Variants in MARCHF1 observed in about 807,000 individuals in gnomAD.
MARCHF1 encodes the protein E3 ubiquitin-protein ligase MARCHF1.
In MARCHF1, 40 loss-of-function variants were observed where a neutral mutation model predicts 54.2. The observed-to-expected ratio is 0.74, with a 90% confidence interval of 0.57 to 0.96. MARCHF1 has a LOEUF of 0.96. Among genes scored for constraint, MARCHF1 ranks in the 40% least tolerant of loss-of-function variants. The probability of loss-of-function intolerance (pLI) is 0.00; values close to 1 mark genes in which losing one functional copy is unlikely to be tolerated. For missense variants in MARCHF1, 586 were observed against 656.5 expected (o/e 0.89, Z 1.17); for synonymous variants, 236 against 236.3 (o/e 1.00, Z 0.01).
chr4:164,373,717 A>T (rs1731105313), intron 1 of MARCHF1, among the ~76,000 whole-genome samples: 1 of 152,184 alleles, frequency 6.6e-6, no homozygotes, highest in African/African-American at 2.4e-5. Flanking sequence ...TCTGGCATCC[A>T]GAAAGATCCA....
At chr4:164,330,263 A>C (rs377098889) in intron 1 of MARCHF1, 1 of 152,038 alleles carries the variant, frequency 6.6e-6, no homozygotes, top group East Asian at 1.9e-4. Flanking sequence ...GTGTCTGCTC[A>C]GAGCCTACAC....
chr4:163,888,077 C>A (rs765298955), intron 3 of MARCHF1, among the ~76,000 whole-genome samples: 7 of 152,136 alleles, frequency 4.6e-5, no homozygotes, highest in African/African-American at 1.7e-4. Context: ...AGGATGTCTG[C>A]GCTTTAAAAC....
intron 1 of MARCHF1, among the ~76,000 whole-genome samples, chr4:164,225,872 TA>T (rs1355275612): frequency 2.6e-5 from 4 of 152,088 alleles, no homozygotes; most frequent in Non-Finnish European, 4.4e-5. Flanking sequence ...ATGCATTTCA[TA>T]AATGTAAATC....
chr4:163,933,624 T>G (rs1444976534), intron 3 of MARCHF1, among the ~76,000 whole-genome samples: 1 of 152,200 alleles, frequency 6.6e-6, no homozygotes, highest in Non-Finnish European at 1.5e-5. Flanking sequence ...ATTTAAAGAG[T>G]GTTCCACACA....
intron 4 of MARCHF1, among the ~76,000 whole-genome samples, chr4:163,786,970 A>G (rs903741529): frequency 6.6e-6 from 1 of 151,988 alleles, no homozygotes; most frequent in Non-Finnish European, 1.5e-5. Flanking sequence ...AAGGATGCCA[A>G]TACTACATAC....
intron 3 of MARCHF1, among the ~76,000 whole-genome samples, chr4:163,899,729 C>G (rs768392387): frequency 6.7e-6 from 1 of 148,584 alleles, no homozygotes; most frequent in East Asian, 2.0e-4. Flanking sequence ...GCCCAAACAA[C>G]GTAACATATT....
intron 4 of MARCHF1, among the ~76,000 whole-genome samples, chr4:163,736,218 C>T (rs749850475): frequency 3.3e-5 from 5 of 152,022 alleles, no homozygotes; most frequent in African/African-American, 4.8e-5. Flanking sequence ...AGTATCATTA[C>T]TCTTATTTCT....
intron 4 of MARCHF1, among the ~76,000 whole-genome samples, chr4:163,712,447 T>C (rs1169859498): frequency 1.3e-5 from 2 of 152,232 alleles, no homozygotes; most frequent in South Asian, 2.1e-4. Context: ...ACAAAATAAA[T>C]GTTGAGGAAA....
At chr4:164,147,708 A>AT (rs1729797443) in intron 1 of MARCHF1, among the ~76,000 whole-genome samples, 1 of 142,430 alleles carries the variant, frequency 7.0e-6, no homozygotes, top group Non-Finnish European at 1.5e-5. Context: ...GCATTGGGAG[A>AT]TATACCTAAT....
At chr4:164,336,016 T>A (rs1319523999) in intron 1 of MARCHF1, among the ~76,000 whole-genome samples, 1 of 152,176 alleles carries the variant, frequency 6.6e-6, no homozygotes, top group Non-Finnish European at 1.5e-5. Flanking sequence ...AACAGAATTG[T>A]TTGATAGGAG....
At chr4:163,532,659 A>C (rs1477766605) in intron 9 of MARCHF1, among the ~76,000 whole-genome samples, 1 of 151,980 alleles carries the variant, frequency 6.6e-6, no homozygotes, top group Admixed American at 6.6e-5. Flanking sequence ...TATCCAAAAT[A>C]TACAAAGATC....
At chr4:164,141,470 G>A (rs954956750) in intron 1 of MARCHF1, among the ~76,000 whole-genome samples, 1 of 152,110 alleles carries the variant, frequency 6.6e-6, no homozygotes, top group African/African-American at 2.4e-5. Flanking sequence ...AAATTAACAA[G>A]TCTGTGCCAT....
chr4:164,061,535 G>A (rs1339996828), intron 2 of MARCHF1, among the ~76,000 whole-genome samples: 3 of 56,276 alleles, frequency 5.3e-5, no homozygotes, highest in Non-Finnish European at 8.3e-5. Flanking sequence ...CTGTTGTGGG[G>A]TGGGGGGAGG....
intron 5 of MARCHF1, among the ~76,000 whole-genome samples, chr4:163,617,733 G>C (rs1020425179): frequency 2.6e-5 from 4 of 152,014 alleles, no homozygotes; most frequent in African/African-American, 9.7e-5. Context: ...ACTGAGTAAA[G>C]GTCACCTGTG....
At chr4:163,766,390 T>A (rs1191592113) in intron 4 of MARCHF1, among the ~76,000 whole-genome samples, 1 of 150,636 alleles carries the variant, frequency 6.6e-6, no homozygotes, top group Non-Finnish European at 1.5e-5. Flanking sequence ...ATTTACCTTT[T>A]ACCTACATTT....
At chr4:164,231,103 G>A (rs548575676) in intron 1 of MARCHF1, among the ~76,000 whole-genome samples, 29 of 152,114 alleles carry the variant, frequency 1.9e-4, no homozygotes, top group Non-Finnish European at 1.8e-4. Context: ...GAAAAGAACT[G>A]ATGTATTTTC....
intron 4 of MARCHF1, among the ~76,000 whole-genome samples, chr4:163,753,767 A>AAGACTCT (rs1249168146): frequency 6.6e-6 from 1 of 152,186 alleles, no homozygotes; most frequent in Non-Finnish European, 1.5e-5. Context: ...ACAACACACC[A>AAGACTCT]AGACTCTAGA....
intron 2 of MARCHF1, among the ~76,000 whole-genome samples, chr4:163,996,086 T>A (rs1753070280): frequency 6.6e-6 from 1 of 152,024 alleles, no homozygotes; most frequent in South Asian, 2.1e-4. Context: ...CCAATTTTTT[T>A]ATTACTGAAG....
rs70948699 is a variant in MARCHF1 at position 164,110,123 on chromosome 4, TACACACACAC to T, written c.-248+1455_-248+1464del. 2.3e-4 allele frequency among the ~76,000 whole-genome samples: 34 copies of T among 146,022 alleles called. No individual in the cohort carries two copies. The East Asian group carries it at 3.9e-3, about 17-fold the overall frequency. On this transcript the variant is annotated intron_variant, in intron 2 of 9. Coordinates refer to ENST00000514618, the MANE Select transcript of MARCHF1 (RefSeq NM_001394959.1). ...TTAAAAAACCCATTGGAATTGGAGA[TACACACACAC>T]ACACACACACACACACACACACACA...
Sources: gnomAD v4.1 joint callset for allele counts (sites outside exome capture counted in the v4.1 genomes callset) on GRCh38, gnomAD v4.1.1 for gene constraint, MANE v1.5 for transcripts, NCBI Gene and HGNC (gene_info 2026-07-23, HGNC 2026-07-21) for gene names.